RGL1: variants seen among roughly 807,000 people sequenced by gnomAD.
RGL1 encodes the protein ral guanine nucleotide dissociation stimulator like 1, also known as ral guanine nucleotide dissociation stimulator-like 1.
Under a neutral mutation model 95.2 loss-of-function variants are expected in RGL1, and 24 were observed. That is an observed-to-expected ratio of 0.25 (90% CI 0.18 to 0.35). RGL1 has a LOEUF of 0.35. Among genes scored for constraint, RGL1 ranks in the 10% least tolerant of loss-of-function variants. The probability of loss-of-function intolerance (pLI) is 1.00; values close to 1 mark genes in which losing one functional copy is unlikely to be tolerated. For missense variants in RGL1, 715 were observed against 936.3 expected (o/e 0.76, Z 3.08); for synonymous variants, 329 against 344.9 (o/e 0.95, Z 0.51).
chr1:183,735,723 G>A (rs1352743602), intron 1 of RGL1, among the ~76,000 whole-genome samples: 1 of 152,164 alleles, frequency 6.6e-6, no homozygotes, highest in Non-Finnish European at 1.5e-5. Context: ...TATCTAATGG[G>A]CTTCCTTTCT....
intron 2 of RGL1, among the ~76,000 whole-genome samples, chr1:183,813,201 A>T (rs1661841135): frequency 6.6e-6 from 1 of 152,130 alleles, no homozygotes. Flanking sequence ...TAGGCGGGGC[A>T]CAGGGCGAGG....
At chr1:183,700,939 T>C (rs1489088230) in intron 1 of RGL1, among the ~76,000 whole-genome samples, 4 of 152,162 alleles carry the variant, frequency 2.6e-5, no homozygotes, top group Admixed American at 6.5e-5. Context: ...CGGTGTGTGA[T>C]GTTCCGCTCC....
In RGL1 at chr1:183,926,200, C is replaced by T; in HGVS notation, c.2215C>T (p.Gln739Ter). Residue 739 changes from glutamine to a stop codon, truncating the protein, a stop_gained, in exon 18 of 18, where the codon CAA becomes TAA. Transcript: ENST00000360851. LOFTEE classifies it high-confidence loss of function. The part of the protein sequence containing the change: ...ILRKKNSMEE[Q>*]VKLRSRTSLT... ...GCGCAAAAAGAACTCCATGGAAGAA[C>T]AAGTGAAACTGCGTAGCCGGACCAG... 1.2e-6 allele frequency: 2 copies of T among 1,614,058 alleles called. No individual in the cohort carries two copies. Among genetic ancestry groups the T allele is most frequent in the East Asian group, 2.2e-5 (1 of 44,876 alleles).
intron 2 of RGL1, among the ~76,000 whole-genome samples, chr1:183,827,956 A>G (rs1662988802): frequency 6.6e-6 from 1 of 152,214 alleles, no homozygotes; most frequent in Non-Finnish European, 1.5e-5. Context: ...AGATACTTAA[A>G]TCCATTTCAC....
intron 1 of RGL1, among the ~76,000 whole-genome samples, chr1:183,692,337 C>T (rs1410453233): frequency 6.6e-6 from 1 of 152,182 alleles, no homozygotes; most frequent in Non-Finnish European, 1.5e-5. Context: ...GTGGCTAGTG[C>T]ACAGGAGACA....
At chr1:183,740,243 G>A (rs1178159845) in intron 1 of RGL1, among the ~76,000 whole-genome samples, 1 of 152,022 alleles carries the variant, frequency 6.6e-6, no homozygotes, top group Non-Finnish European at 1.5e-5. Flanking sequence ...TTATTAGTGT[G>A]TCCACTCAGA....
At position 183,915,597 on chromosome 1, in the gene RGL1, A is replaced by G. The variant is rs569095196; in HGVS notation, c.1750-850A>G. Among the ~76,000 whole-genome samples, 4 of 152,378 alleles carry G rather than the reference A, an allele frequency of 2.6e-5. No individual in the cohort carries two copies. In the East Asian group the frequency reaches 7.7e-4, roughly 29 times the overall value. ...TTAAAGGCTGTATTTCCCTTGAGCA[A>G]GTCACTTTTATATTCTGAATCTTAT... On this transcript the variant is annotated intron_variant, in intron 15 of 17. Transcript: ENST00000360851.
intron 1 of RGL1, among the ~76,000 whole-genome samples, chr1:183,697,994 C>T (rs770613003): frequency 2.6e-5 from 4 of 152,170 alleles, no homozygotes; most frequent in Non-Finnish European, 4.4e-5. Context: ...GGTATTTTCC[C>T]CTCCTTGTCT....
chr1:183,662,324 C>G (rs1010671638), intron 1 of RGL1, among the ~76,000 whole-genome samples: 6 of 151,452 alleles, frequency 4.0e-5, no homozygotes, highest in Admixed American at 2.6e-4. Context: ...ATTGTCTCAG[C>G]CCAAAATCTC....
chr1:183,748,257 T>C (rs1361298975), intron 2 of RGL1, among the ~76,000 whole-genome samples: 1 of 152,106 alleles, frequency 6.6e-6, no homozygotes, highest in Non-Finnish European at 1.5e-5. Context: ...TCTATTTTGC[T>C]AATCTTTTCA....
chr1:183,737,780 T>C (rs926193142), intron 1 of RGL1, among the ~76,000 whole-genome samples: 1 of 152,210 alleles, frequency 6.6e-6, no homozygotes, highest in Non-Finnish European at 1.5e-5. Flanking sequence ...CTTTTTTAAT[T>C]TTTGAGAAAA....
At chr1:183,860,906 A>G (rs1273890053) in intron 3 of RGL1, among the ~76,000 whole-genome samples, 3 of 151,348 alleles carry the variant, frequency 2.0e-5, no homozygotes, top group Non-Finnish European at 4.4e-5. Flanking sequence ...TGAAAGAATG[A>G]ATGATGGAAT....
At chr1:183,875,794 G>A (rs558554213) in intron 4 of RGL1, among the ~76,000 whole-genome samples, 98 of 147,850 alleles carry the variant, frequency 6.6e-4, no homozygotes, top group Non-Finnish European at 9.0e-4. Context: ...CAGGAGAATC[G>A]CTTGAACCTG....
intron 1 of RGL1, among the ~76,000 whole-genome samples, chr1:183,660,534 A>G (rs564648554): frequency 6.6e-6 from 1 of 151,666 alleles, no homozygotes; most frequent in South Asian, 2.1e-4. Context: ...TACACCCAAT[A>G]CAGGACCACC....
intron 2 of RGL1, among the ~76,000 whole-genome samples, chr1:183,817,909 C>T (rs1310514872): frequency 6.6e-6 from 1 of 152,188 alleles, no homozygotes; most frequent in East Asian, 1.9e-4. Context: ...CCTGGAGGGA[C>T]CTGCTGCTGT....
intron 6 of RGL1, 51 bp downstream of exon 6, chr1:183,883,961 G>C (rs1163352928): frequency 6.3e-7 from 1 of 1,595,110 alleles, no homozygotes; most frequent in East Asian, 2.2e-5. Context: ...ACATAGGGGA[G>C]TGATGGCACT....
chr1:183,748,956 C>G (rs184701887), intron 2 of RGL1, among the ~76,000 whole-genome samples: 14 of 152,260 alleles, frequency 9.2e-5, no homozygotes, highest in African/African-American at 3.4e-4. Context: ...ATCTTGAGTT[C>G]TAATTTGATT....
At chr1:183,665,432 T>TG (rs1651964898) in intron 1 of RGL1, among the ~76,000 whole-genome samples, 1 of 152,240 alleles carries the variant, frequency 6.6e-6, no homozygotes, top group Non-Finnish European at 1.5e-5. Flanking sequence ...CACTTGCTTC[T>TG]ATCTTCTGAA....
chr1:183,702,782 C>G (rs948036019), intron 1 of RGL1, among the ~76,000 whole-genome samples: 1 of 152,168 alleles, frequency 6.6e-6, no homozygotes, highest in African/African-American at 2.4e-5. Flanking sequence ...TTGTAAGGCT[C>G]TTGTATCGGT....
Sources: allele counts gnomAD v4.1 joint callset (sites outside exome capture counted in the v4.1 genomes callset), GRCh38; gene constraint gnomAD v4.1.1; transcripts MANE v1.5; gene names NCBI Gene and HGNC (gene_info 2026-07-23, HGNC 2026-07-21).